RYK: variants seen among roughly 807,000 people sequenced by gnomAD.
RYK encodes the protein inactive tyrosine-protein kinase RYK.
In RYK, 21 loss-of-function variants were observed where a neutral mutation model predicts 70.2. The observed-to-expected ratio is 0.30, with a 90% CI of 0.21 to 0.43. The LOEUF (loss-of-function observed/expected upper bound fraction) is 0.43, where lower values mean the gene tolerates loss of function less well. RYK is among the 20% of genes least tolerant of loss of function. The pLI is 1.00. For missense variants in RYK, 604 were observed against 753.3 expected, an observed-to-expected ratio of 0.80 and a Z score of 2.32; for synonymous variants, 267 against 278.0, an observed-to-expected ratio of 0.96 and a Z score of 0.39.
At chr3:134,246,317 CA>C (rs2015464571) in intron 1 of RYK, among the ~76,000 whole-genome samples, 1 of 144,836 alleles carries the variant, frequency 6.9e-6, no homozygotes, top group African/African-American at 2.6e-5. Context: ...CACACACACA[CA>C]CACACACACA....
chr3:134,158,297 G>A (rs139216002), intron 14 of RYK, 33 bp from the exon 15 acceptor site: 5 of 1,406,538 alleles, frequency 3.6e-6, no homozygotes, highest in Admixed American at 2.1e-5. Flanking sequence ...ATTTGGGCTA[G>A]TAAGGATACA....
Position 134,250,552 on chromosome 3 carries a change from G to C in RYK, c.103C>G (p.Leu35Val). 8.9e-7 allele frequency: 1 copy of C among 1,120,574 alleles called. No homozygotes were observed. Among genetic ancestry groups the C allele is most frequent in the Non-Finnish European group, 1.1e-6 (1 of 898,328 alleles). 69.4% of individuals were successfully genotyped at this position (1,120,574 alleles called of 1,614,324 possible). Residue 35 changes from leucine to valine, a missense_variant, in exon 1 of 15, where the codon CTG becomes GTG. Physicochemically the swap from Leu to Val is conservative, Grantham distance 32. Transcript: ENST00000623711. ...PPPPLLLLLALLPLLPAPGAA... is the reference protein window; with the variant it reads ...PPPPLLLLLAVLPLLPAPGAA... ...CCAGGCGCGGGCAGCAGCGGCAACA[G>C]CGCAAGCAGAAGCAGCAGCGGCGGC...
At chr3:134,159,431 G>T in intron 13 of RYK, 58 bp from the exon 14 acceptor site, 1 of 1,491,306 alleles carries the variant, frequency 6.7e-7, no homozygotes, top group East Asian at 2.3e-5. Flanking sequence ...CAGGGGGCTA[G>T]CGCCCACAGC....
At chr3:134,224,912 A>G (rs1223363577) in intron 1 of RYK, among the ~76,000 whole-genome samples, 1 of 152,238 alleles carries the variant, frequency 6.6e-6, no homozygotes, top group Non-Finnish European at 1.5e-5. Context: ...CTAATGATTA[A>G]TCATATTCAT....
At chr3:134,173,338 A>C (rs1454552599) in intron 13 of RYK, among the ~76,000 whole-genome samples, 1 of 152,198 alleles carries the variant, frequency 6.6e-6, no homozygotes, top group Non-Finnish European at 1.5e-5. Flanking sequence ...TTAAGTGAAC[A>C]CATTTTATCA....
chr3:134,171,935 A>C (rs1409083110), intron 13 of RYK, among the ~76,000 whole-genome samples: 1 of 152,146 alleles, frequency 6.6e-6, no homozygotes, highest in Non-Finnish European at 1.5e-5. Flanking sequence ...GCCATCTTGC[A>C]TACCCCTTTG....
intron 5 of RYK, among the ~76,000 whole-genome samples, chr3:134,204,594 C>T (rs1335485964): frequency 9.3e-6 from 1 of 106,986 alleles, no homozygotes; most frequent in African/African-American, 3.3e-5. Flanking sequence ...GCCACAGCCA[C>T]ACACACACAC....
chr3:134,196,353 C>G (rs2013810258), intron 6 of RYK, among the ~76,000 whole-genome samples: 1 of 152,056 alleles, frequency 6.6e-6, no homozygotes, highest in Admixed American at 6.6e-5. Flanking sequence ...TCAGCAGTGC[C>G]CAATCAAGTC....
chr3:134,158,390 G>A (rs1279912928), intron 14 of RYK, 126 bp from the exon 15 acceptor site: 2 of 423,630 alleles, frequency 4.7e-6, no homozygotes, highest in East Asian at 3.5e-5. Flanking sequence ...TATTAAAAAC[G>A]GATCCATTTT....
chr3:134,211,200 A>T (rs1043782024), intron 3 of RYK, among the ~76,000 whole-genome samples: 1 of 152,176 alleles, frequency 6.6e-6, no homozygotes, highest in Non-Finnish European at 1.5e-5. Flanking sequence ...CATCTGGGCC[A>T]CAGGGTGAAA....
At chr3:134,207,675 C>A in intron 4 of RYK, 150 bp from the exon 5 acceptor site, 1 of 564,730 alleles carries the variant, frequency 1.8e-6, no homozygotes, top group Non-Finnish European at 3.1e-6. Context: ...ATAATCACCA[C>A]TACAGTCACC....
At chr3:134,188,163 A>ATTT (rs201166804) in intron 9 of RYK, among the ~76,000 whole-genome samples, 58 of 88,910 alleles carry the variant, frequency 6.5e-4, no homozygotes, top group Admixed American at 1.9e-3. Flanking sequence ...ATATATATAT[A>ATTT]TATATTTTTT....
chr3:134,161,504 G>A (rs2108139033), intron 13 of RYK, among the ~76,000 whole-genome samples: 1 of 152,212 alleles, frequency 6.6e-6, no homozygotes, highest in Non-Finnish European at 1.5e-5. Context: ...AATGTCCTTA[G>A]CCAGAGCAAA....
At chr3:134,176,073 A>G in intron 11 of RYK, 34 bp from the exon 12 acceptor site, 1 of 1,253,904 alleles carries the variant, frequency 8.0e-7, no homozygotes, top group Non-Finnish European at 1.1e-6. Flanking sequence ...GTTTGCAAAT[A>G]GCACACAAAT....
intron 1 of RYK, among the ~76,000 whole-genome samples, chr3:134,246,566 C>A (rs922629853): frequency 6.6e-6 from 1 of 151,978 alleles, no homozygotes; most frequent in African/African-American, 2.4e-5. Flanking sequence ...AAAGAGGCAT[C>A]AGAATGGCTT....
At chr3:134,187,492 T>C (rs1367350042) in intron 9 of RYK, among the ~76,000 whole-genome samples, 1 of 152,172 alleles carries the variant, frequency 6.6e-6, no homozygotes, top group Non-Finnish European at 1.5e-5. Flanking sequence ...TTAAGCACCC[T>C]ATAAATTATC....
intron 1 of RYK, among the ~76,000 whole-genome samples, chr3:134,223,915 A>T (rs1407659718): frequency 6.6e-6 from 1 of 151,894 alleles, no homozygotes; most frequent in Non-Finnish European, 1.5e-5. Context: ...GAAACAAATC[A>T]CTCTCCTACA....
chr3:134,214,670 TCTCAGGGGAG>T, intron 2 of RYK, among the ~76,000 whole-genome samples: 1 of 152,186 alleles, frequency 6.6e-6, no homozygotes, highest in Non-Finnish European at 1.5e-5. Flanking sequence ...TGACCTCCAG[TCTCAGGGGAG>T]GCCCTTAGTT....
chr3:134,162,011 G>T (rs2012489605), intron 13 of RYK, among the ~76,000 whole-genome samples: 1 of 152,146 alleles, frequency 6.6e-6, no homozygotes, highest in Non-Finnish European at 1.5e-5. Flanking sequence ...CCAGCTTCCT[G>T]TGGTTGCCGG....
Sources: allele counts gnomAD v4.1 joint callset (sites outside exome capture counted in the v4.1 genomes callset), GRCh38; gene constraint gnomAD v4.1.1; transcripts MANE v1.5; gene names NCBI Gene and HGNC (gene_info 2026-07-23, HGNC 2026-07-21).